The following SEPTIN4 variants were observed in gnomAD, a reference collection of about 807,000 sequenced individuals.
SEPTIN4 encodes septin 4.
In SEPTIN4, 52 loss-of-function variants were observed where a neutral mutation model predicts 107.1. The ratio of observed to expected loss-of-function variants is 0.49; its 90% confidence interval spans 0.39 to 0.61. The LOEUF is 0.61. Among genes scored for constraint, SEPTIN4 ranks in the 20% least tolerant of loss-of-function variants. The pLI, the probability that SEPTIN4 is intolerant of heterozygous loss-of-function variation, is 0.00. For missense variants in SEPTIN4, 1,048 were observed against 1,243.5 expected (o/e 0.84, Z 2.36); for synonymous variants, 417 against 467.0 (o/e 0.89, Z 1.38).
At chr17:58,542,475 T>C (rs1281228621) in intron 1 of SEPTIN4, 151 bp downstream of exon 1, 6 of 1,112,740 alleles carry the variant, frequency 5.4e-6, no homozygotes, top group Non-Finnish European at 5.1e-6. Context: ...AGGGAAGGAA[T>C]GGAGCAATAG....
intron 2 of SEPTIN4, 138 bp from the exon 3 acceptor site, chr17:58,540,811 G>A: frequency 1.2e-6 from 1 of 858,568 alleles, no homozygotes; most frequent in East Asian, 3.4e-5. Flanking sequence ...TCCCTTCCTA[G>A]TGCAAGTGGC....
intron 7 of SEPTIN4, among the ~76,000 whole-genome samples, chr17:58,522,324 A>G (rs780711843): frequency 6.6e-6 from 1 of 152,262 alleles, no homozygotes; most frequent in Middle Eastern, 3.4e-3. Context: ...TTTAATAAAT[A>G]CTAGCTTGAT....
chr17:58,542,534 G>A, intron 1 of SEPTIN4, 92 bp downstream of exon 1: 1 of 1,485,058 alleles, frequency 6.7e-7, no homozygotes, highest in Non-Finnish European at 9.0e-7. Flanking sequence ...CAGCCCTTAG[G>A]CCCAGAATGA....
intron 1 of SEPTIN4, 65 bp from the exon 2 acceptor site, chr17:58,542,031 A>G (rs1477540871): frequency 1.3e-6 from 2 of 1,555,140 alleles, no homozygotes; most frequent in African/African-American, 2.7e-5. Context: ...ACTCTCCACT[A>G]CTTGCAGCTC....
chr17:58,529,518 A>G (rs1598298555), intron 3 of SEPTIN4: 1 of 775,182 alleles, frequency 1.3e-6, no homozygotes, highest in East Asian at 1.3e-4. Context: ...CACAGCACCA[A>G]CCTCCCAATG....
chr17:58,531,972 C>T, intron 3 of SEPTIN4: 1 of 1,147,546 alleles, frequency 8.7e-7, no homozygotes, highest in Non-Finnish European at 1.1e-6. Context: ...ATGGCTGCAG[C>T]CCGGGCGGGG....
rs769879434 is a variant in SEPTIN4, at chr17:58,543,130, GA to G, written c.1056del (p.Pro353HisfsTer56). ...QSVEPTHHVT[V>X]PSVSEGSHKS... is the part of the protein sequence containing the mutation. Reference sequence around the variant, plus strand: ...TTGTGGGAGCCCTCAGACACTGATGGAACTGTCACATGGTGAGTTGGCTCTA... The same window carrying G: ...TTGTGGGAGCCCTCAGACACTGATGGACTGTCACATGGTGAGTTGGCTCTA... On this transcript the variant is annotated frameshift_variant, in exon 1 of 14. Coordinates refer to ENST00000672673, the MANE Select transcript of SEPTIN4 (RefSeq NM_001368771.2). LOFTEE classifies it high-confidence loss of function. 1.9e-6 allele frequency: 3 copies of G among 1,612,346 alleles called. No homozygotes were observed.
chr17:58,532,050 G>T, intron 3 of SEPTIN4: 30 of 1,118,322 alleles, frequency 2.7e-5, no homozygotes, highest in Non-Finnish European at 3.3e-5. Flanking sequence ...CAGCACCGCC[G>T]TCACCCTCCC....
Position 58,521,468 on chromosome 17 carries a change from C to A in SEPTIN4, c.2571+77G>T. 6.3e-7 allele frequency: 1 copy of A among 1,575,152 alleles called. No individual in the cohort carries two copies. The highest frequency in any genetic ancestry group is 8.7e-7 in the Non-Finnish European group (1 of 1,145,162). ...CCAGGGTCCTTTCCCACCCTGATAG[C>A]CTGAATATAGAATTCTACTCCCTTT... On this transcript the variant is annotated intron_variant, in intron 10 of 13. Transcript: ENST00000672673. This position sits in a 1 kb window ranked among gnomAD's most constrained non-coding sequence, Gnocchi z 6.4.
At chr17:58,539,869 AGAACC>A (rs2043829189) in intron 3 of SEPTIN4, among the ~76,000 whole-genome samples, 2 of 152,316 alleles carry the variant, frequency 1.3e-5, no homozygotes, top group Admixed American at 1.3e-4. Flanking sequence ...AGGTTGGATA[AGAACC>A]CATGGCAGTG....
rs759101663 is a variant in SEPTIN4 at position 58,525,714 on chromosome 17, C to T, written c.2073G>A (p.Arg691=). 9 of 1,614,152 alleles carry T rather than the reference C, an allele frequency of 5.6e-6. No individual in the cohort carries two copies. The Admixed American group carries it at 1.5e-4, about 27-fold the overall frequency. The change falls in exon 6 of 14, where the codon CGG becomes CGA. Residue 691 remains arginine, a synonymous_variant. Transcript: ENST00000672673. ...SLFLTDLYRD[R]KLLGAEERIM... ...CCTTACCTTCAGCACCAAGAAGTTT[C>T]CGGTCCCGGTACAGATCAGTGAGGA... is the stretch of plus-strand genomic sequence containing the variant.
In SEPTIN4 at chr17:58,538,817, C is replaced by G. The variant is rs2043799342; in HGVS notation, c.1614+1849G>C. On this transcript the variant is annotated intron_variant, in intron 3 of 13. Coordinates refer to ENST00000672673, the MANE Select transcript of SEPTIN4 (RefSeq NM_001368771.2). This position sits in a 1 kb window ranked among gnomAD's most constrained non-coding sequence, Gnocchi z 4.7. ...CTTAAAGAGATGGGCTGAATCAGGC[C>G]CCATCCCCAGCTGTTCACCCAGAGA... 6.6e-6 allele frequency among the ~76,000 whole-genome samples: 1 copy of G among 152,176 alleles called. No individual in the cohort carries two copies. Among genetic ancestry groups the G allele is most frequent in the Non-Finnish European group, 1.5e-5 (1 of 68,034 alleles).
intron 3 of SEPTIN4, chr17:58,529,685 C>A: frequency 6.0e-6 from 1 of 167,000 alleles, no homozygotes; most frequent in Non-Finnish European, 1.3e-5. Flanking sequence ...GGATTTCAAT[C>A]CCCCAGTCTC....
chr17:58,533,289 C>T (rs193044867), intron 3 of SEPTIN4, among the ~76,000 whole-genome samples: 73 of 152,246 alleles, frequency 4.8e-4, no homozygotes, highest in African/African-American at 1.7e-3. Flanking sequence ...ATGAGCCAGC[C>T]GGTTGAGGAG....
At chr17:58,535,427 T>C (rs2043676032) in intron 3 of SEPTIN4, among the ~76,000 whole-genome samples, 1 of 152,220 alleles carries the variant, frequency 6.6e-6, no homozygotes, top group Non-Finnish European at 1.5e-5. Context: ...CCTCCTAATG[T>C]GACTACTCAC....
rs1315380696 is a variant in SEPTIN4, at chr17:58,522,460, G to C, written c.2217-359C>G. 1.1e-4 allele frequency among the ~76,000 whole-genome samples: 16 copies of C among 151,918 alleles called. No homozygotes were observed. The East Asian group carries it at 3.1e-3, about 29-fold the overall frequency. Reference sequence around the variant, plus strand: ...GGATCACTTAAGGTCAGGAGTTTGAGACCACCCTGACCAACATGGTGAAAC... The same window carrying C: ...GGATCACTTAAGGTCAGGAGTTTGACACCACCCTGACCAACATGGTGAAAC... On this transcript the variant is annotated intron_variant, in intron 7 of 13. Coordinates refer to ENST00000672673, the MANE Select transcript of SEPTIN4 (RefSeq NM_001368771.2).
chr17:58,542,479 G>T, intron 1 of SEPTIN4, 147 bp downstream of exon 1: 3 of 1,133,182 alleles, frequency 2.6e-6, no homozygotes, highest in Non-Finnish European at 3.7e-6. Flanking sequence ...AAGGAATGGA[G>T]CAATAGGCTC....
Position 58,521,125 on chromosome 17 carries a change from T to G in SEPTIN4, c.2704A>C (p.Arg902=), listed in dbSNP as rs1355897822. Residue 902 remains arginine, a synonymous_variant, in exon 12 of 14, where the codon AGG becomes CGG. Transcript: ENST00000672673. This position sits in a 1 kb window ranked among gnomAD's most constrained non-coding sequence, Gnocchi z 6.4. ...NPGHCDFVKL[R]TMLVRTHMQD... Reference sequence around the variant, plus strand: ...ATGTGGGTACGTACCAGCATTGTCCTCAGCTTCACAAAGTCGCAGTGCCCT... The same window carrying G: ...ATGTGGGTACGTACCAGCATTGTCCGCAGCTTCACAAAGTCGCAGTGCCCT... 6.8e-6 allele frequency: 11 copies of G among 1,614,194 alleles called. No individual in the cohort carries two copies. Among genetic ancestry groups the G allele is most frequent in the Non-Finnish European group, 8.5e-6 (10 of 1,180,022 alleles).
intron 4 of SEPTIN4, 174 bp from the exon 5 acceptor site, chr17:58,526,487 G>A: frequency 7.2e-7 from 1 of 1,389,254 alleles, no homozygotes; most frequent in South Asian, 1.8e-5. Flanking sequence ...TGCTGAAACT[G>A]CAAATTTCCA....
Sources: gnomAD v4.1 joint callset for allele counts (sites outside exome capture counted in the v4.1 genomes callset) on GRCh38, gnomAD v4.1.1 for gene constraint, Gnocchi (gnomAD v3.1) non-coding constraint, MANE v1.5 for transcripts, NCBI Gene and HGNC (gene_info 2026-07-23, HGNC 2026-07-21) for gene names.